AKAP13: variants seen among roughly 807,000 people sequenced by gnomAD.
The protein encoded by AKAP13 is A-kinase anchor protein 13.
A neutral mutation model predicts 264.5 loss-of-function variants in AKAP13; 80 were observed. The ratio of observed to expected loss-of-function variants is 0.30; its 90% CI spans 0.25 to 0.36. The LOEUF (loss-of-function observed/expected upper bound fraction) is 0.36. Ranked by LOEUF, AKAP13 falls within the 10% of genes least tolerant of loss-of-function variation. The probability of loss-of-function intolerance (pLI) is 1.00; values close to 1 mark genes in which losing one functional copy is unlikely to be tolerated. For synonymous variants in AKAP13, 1,380 were observed against 1,250.2 expected (o/e 1.10, Z -2.19); for missense variants, 3,712 against 3,435.2 (o/e 1.08, Z -2.01).
At position 85,709,913 on chromosome 15, in the gene AKAP13, C is replaced by G. The variant is rs1253458544; in HGVS notation, c.5533-666C>G. Among the ~76,000 whole-genome samples, 4 of 152,118 alleles carry G rather than the reference C, an allele frequency of 2.6e-5. No homozygotes were observed. In the East Asian group the frequency reaches 7.8e-4, roughly 30 times the overall value. On this transcript the variant is annotated intron_variant, in intron 18 of 36. Coordinates refer to ENST00000394518, the MANE Select transcript of AKAP13 (RefSeq NM_007200.5). The stretch of plus-strand genomic sequence containing the variant: ...ATGTTGGCTGGGCTGGTATCAAACT[C>G]CTGACCTGAGGTGATCCACCCACCT...
rs1451440590 is a variant in AKAP13 at position 85,724,195 on chromosome 15, A to G, written c.6745+875A>G. 6.6e-6 allele frequency among the ~76,000 whole-genome samples: 1 copy of G among 152,244 alleles called. No homozygotes were observed. Among genetic ancestry groups the G allele is most frequent in the African/African-American group, 2.4e-5 (1 of 41,470 alleles). On this transcript the variant is annotated intron_variant, in intron 26 of 36. Transcript: ENST00000394518. This position sits in a 1 kb window ranked among gnomAD's most constrained non-coding sequence, Gnocchi z 4.2. ...TTCTGAGGTATAAGTGATGATGTAGATAACTGCTATAGGAAATGCCCACGC... is the reference window on the plus strand; with the variant it reads ...TTCTGAGGTATAAGTGATGATGTAGGTAACTGCTATAGGAAATGCCCACGC...
intron 35 of AKAP13, 139 bp downstream of exon 35, chr15:85,741,634 A>T (rs1374088508): frequency 1.6e-6 from 2 of 1,238,046 alleles, no homozygotes; most frequent in African/African-American, 1.6e-5. Flanking sequence ...CCAGCACTTT[A>T]GGAGGCTGAG....
At chr15:85,701,150 C>G (rs1332849243) in intron 17 of AKAP13, 1 of 152,106 alleles carries the variant, frequency 6.6e-6, no homozygotes, top group Admixed American at 6.5e-5. Flanking sequence ...GCTACTGGTT[C>G]TGTGCTAATA....
intron 1 of AKAP13, among the ~76,000 whole-genome samples, chr15:85,465,593 C>T (rs976949859): frequency 6.8e-6 from 1 of 148,138 alleles, no homozygotes; most frequent in Non-Finnish European, 1.5e-5. Context: ...TGAGTGAGAA[C>T]ATGCGGTGTT....
rs1247186650 is a variant in AKAP13 at position 85,724,446 on chromosome 15, A to T, written c.6745+1126A>T. On this transcript the variant is annotated intron_variant, in intron 26 of 36. Transcript: ENST00000394518. This position sits in a 1 kb window ranked among gnomAD's most constrained non-coding sequence, Gnocchi z 4.2. The stretch of plus-strand genomic sequence containing the variant: ...GGAGAAAGTGTTCCCCACACTAAGG[A>T]AGAGAAAGTGGAAGCACAGAGTTGA... Among the ~76,000 whole-genome samples, 1 of 151,970 alleles carries T rather than the reference A, an allele frequency of 6.6e-6. No individual in the cohort carries two copies. The highest frequency in any genetic ancestry group is 2.4e-5 in the African/African-American group (1 of 41,350).
At chr15:85,601,473 A>G (rs1277117296) in intron 8 of AKAP13, among the ~76,000 whole-genome samples, 1 of 152,222 alleles carries the variant, frequency 6.6e-6, no homozygotes, top group Non-Finnish European at 1.5e-5. Context: ...TAAGTTAGAA[A>G]GCTCTCACCC....
At chr15:85,401,141 C>G (rs550958151) in intron 1 of AKAP13, among the ~76,000 whole-genome samples, 24 of 151,992 alleles carry the variant, frequency 1.6e-4, no homozygotes, top group Non-Finnish European at 3.2e-4. Context: ...GGATTATAGA[C>G]ACGAGCCACT....
At chr15:85,601,828 T>C (rs1410535594) in intron 8 of AKAP13, among the ~76,000 whole-genome samples, 1 of 150,728 alleles carries the variant, frequency 6.6e-6, no homozygotes, top group Admixed American at 6.7e-5. Flanking sequence ...AAATGTTTAT[T>C]AATTCATTTA....
At chr15:85,702,009 G>A (rs1191226585) in intron 17 of AKAP13, 1 of 152,006 alleles carries the variant, frequency 6.6e-6, no homozygotes, top group East Asian at 2.0e-4. Flanking sequence ...ACTTTAGGAG[G>A]GCAAGGCAGG....
Position 85,520,750 on chromosome 15 carries a change from A to G in AKAP13, c.34-678A>G, listed in dbSNP as rs1247832339. 11 of 517,898 alleles carry G rather than the reference A, an allele frequency of 2.1e-5. 3 individuals are homozygous for G. Among genetic ancestry groups the G allele is most frequent in the South Asian group, 1.3e-4 (9 of 71,476 alleles). 32.1% of individuals were successfully genotyped at this position (517,898 alleles called of 1,614,324 possible). A position where few individuals can be genotyped will look rare whatever the true frequency, so the allele number is the denominator to read the frequency against. On this transcript the variant is annotated intron_variant, in intron 2 of 36. Coordinates refer to ENST00000394518, the MANE Select transcript of AKAP13 (RefSeq NM_007200.5). ...TTGAACATGTTCCAGGAGCTTTCCT[A>G]TACAGTCATGTGTTGTTTAAACTAT... is the stretch of plus-strand genomic sequence containing the variant.
intron 5 of AKAP13, among the ~76,000 whole-genome samples, chr15:85,549,271 C>T (rs1022154614): frequency 1.3e-5 from 2 of 152,078 alleles, no homozygotes; most frequent in Admixed American, 6.6e-5. Context: ...ATTAATGGAA[C>T]AAGGAATTCT....
In AKAP13 at chr15:85,719,226, A is replaced by G; in HGVS notation, c.6152A>G (p.Gln2051Arg). 6.2e-7 allele frequency: 1 copy of G among 1,614,188 alleles called. No individual in the cohort carries two copies. Among genetic ancestry groups the G allele is most frequent in the Middle Eastern group, 1.6e-4 (1 of 6,062 alleles). Reference protein sequence around the residue: ...CLDELISIHSQFFQRILERKK... With the variant: ...CLDELISIHSRFFQRILERKK... The stretch of plus-strand genomic sequence containing the variant: ...GATGAGCTGATCAGTATCCATAGCC[A>G]ATTCTTCCAGAGGATTCTGGAGCGG... Residue 2051 changes from glutamine to arginine, a missense_variant, in exon 23 of 37, where the codon CAA becomes CGA. By Grantham distance (43) the Gln-to-Arg change is conservative (BLOSUM62 1). Coordinates refer to ENST00000394518, the MANE Select transcript of AKAP13 (RefSeq NM_007200.5).
intron 8 of AKAP13, among the ~76,000 whole-genome samples, chr15:85,636,872 C>G (rs777467234): frequency 1.3e-5 from 2 of 152,210 alleles, no homozygotes; most frequent in Non-Finnish European, 2.9e-5. Flanking sequence ...GCCTTGGCTT[C>G]CCAAAGTGCT....
At position 85,658,489 on chromosome 15, in the gene AKAP13, C is replaced by G. The variant is rs766257422; in HGVS notation, c.4746-48C>G. 6 of 1,563,348 alleles carry G rather than the reference C, an allele frequency of 3.8e-6. No homozygotes were observed. In the South Asian group the frequency reaches 6.7e-5, roughly 17 times the overall value. ...TCTGTATGTTTCATGCATTTGTATC[C>G]CATTTTGTTTCACCTGCAACACTGA... On this transcript the variant is annotated intron_variant, in intron 11 of 36. Coordinates refer to ENST00000394518, the MANE Select transcript of AKAP13 (RefSeq NM_007200.5).
intron 2 of AKAP13, among the ~76,000 whole-genome samples, chr15:85,518,163 C>CT (rs1233176630): frequency 6.6e-6 from 1 of 152,110 alleles, no homozygotes; most frequent in African/African-American, 2.4e-5. Context: ...CCAGGGTATT[C>CT]TTTAAGGATG....
rs572494445 is a variant in AKAP13 at position 85,575,063 on chromosome 15, C to T, written c.663-68C>T. 2.7e-6 allele frequency: 4 copies of T among 1,495,760 alleles called. No individual in the cohort carries two copies. In the East Asian group the frequency reaches 9.0e-5, roughly 34 times the overall value. The allele number at this position is 1,495,760 out of a possible 1,614,324, so 92.7% of individuals were successfully genotyped here. On this transcript the variant is annotated intron_variant, in intron 5 of 36. Coordinates refer to ENST00000394518, the MANE Select transcript of AKAP13 (RefSeq NM_007200.5). ...ATCAGGTTAGAAATACGAAGTAAGA[C>T]TTAGAACGTTAAGCCTATGCCTGGG...
intron 1 of AKAP13, among the ~76,000 whole-genome samples, chr15:85,453,693 C>G (rs1398219154): frequency 6.6e-6 from 1 of 151,618 alleles, no homozygotes; most frequent in Non-Finnish European, 1.5e-5. Flanking sequence ...TTGCCTCAGA[C>G]ACTCTGAAGC....
rs2085254795 is a variant in AKAP13 at position 85,691,039 on chromosome 15, A to T, written c.5290-2238A>T. ...TTATTATCTTTATCCTCTACGTTGT[A>T]AAATGGGAAGCATAATGCTCACCCT... On this transcript the variant is annotated intron_variant, in intron 16 of 36. Transcript: ENST00000394518. Among the ~76,000 whole-genome samples the T allele has an allele frequency of 2.6e-5, 4 of 152,216 alleles. No homozygotes were observed. The South Asian group carries it at 8.3e-4, about 32-fold the overall frequency.
intron 33 of AKAP13, among the ~76,000 whole-genome samples, chr15:85,736,981 C>T (rs1320049755): frequency 2.3e-5 from 3 of 133,018 alleles, no homozygotes; most frequent in African/African-American, 8.8e-5. Context: ...TACGGTGGTG[C>T]GATCTCAGCT....
Sources: gnomAD v4.1 joint callset for allele counts (sites outside exome capture counted in the v4.1 genomes callset) on GRCh38, gnomAD v4.1.1 for gene constraint, Gnocchi (gnomAD v3.1) non-coding constraint, MANE v1.5 for transcripts, NCBI Gene and HGNC (gene_info 2026-07-23, HGNC 2026-07-21) for gene names.